KLK15: variants seen among roughly 807,000 people sequenced by gnomAD.
KLK15 encodes kallikrein-15.
A neutral mutation model predicts 21.1 loss-of-function variants in KLK15; 19 were observed. That is an observed-to-expected ratio of 0.90 (90% CI 0.63 to 1.32). The LOEUF (loss-of-function observed/expected upper bound fraction) is 1.32, where lower values mean the gene tolerates loss of function less well. KLK15 is among the 40% of genes most tolerant of loss of function. KLK15 has a pLI of 0.00. For missense variants in KLK15, 345 were observed against 348.6 expected, an observed-to-expected ratio of 0.99 and a Z score of 0.08; for synonymous variants, 141 against 141.5, an observed-to-expected ratio of 1.00 and a Z score of 0.03.
intron 4 of KLK15, 196 bp downstream of exon 5, chr19:50,826,425 C>T (rs767834620): frequency 1.1e-5 from 6 of 566,604 alleles, no homozygotes; most frequent in Non-Finnish European, 1.8e-5. Context: ...TCACATTATC[C>T]ACCTCAAACA....
chr19:50,826,552 A>T, intron 4 of KLK15, 69 bp downstream of exon 5: 1 of 1,495,948 alleles, frequency 6.7e-7, no homozygotes. Flanking sequence ...AGAAAATCCA[A>T]CCCCATCCGG....
chr19:50,825,642 G>A, downstream of KLK15: 1 of 663,352 alleles, frequency 1.5e-6, no homozygotes. Context: ...TTGAGCGCCA[G>A]CTTTGTCCTC....
chr19:50,831,815 C>CAT (rs563498645), upstream of KLK15, among the ~76,000 whole-genome samples: 27 of 143,152 alleles, frequency 1.9e-4, no homozygotes, highest in Non-Finnish European at 3.8e-4. Context: ...CCTGTCCCAA[C>CAT]TTTTTTTTTT....
exon 3 of KLK15, chr19:50,826,880 T>G (rs372405609): frequency 3.2e-6 from 5 of 1,559,848 alleles, no homozygotes; most frequent in Middle Eastern, 1.7e-4. Flanking sequence ...TCACGCACCT[T>G]GTGACCGGGG....
chr19:50,831,531 G>C (rs1599959144), upstream of KLK15: 4 of 1,443,062 alleles, frequency 2.8e-6, no homozygotes. Context: ...AGTCTGGGGA[G>C]GGAGTGAGAG....
intron 1 of KLK15, among the ~76,000 whole-genome samples, chr19:50,828,570 C>T (rs1216490766): frequency 1.3e-5 from 2 of 151,656 alleles, no homozygotes; most frequent in Non-Finnish European, 1.5e-5. Flanking sequence ...TATACAAGGT[C>T]ATGGACATGC....
exon 5 of KLK15, chr19:50,825,937 C>T (rs1255180325): frequency 6.2e-7 from 1 of 1,612,286 alleles, no homozygotes; most frequent in African/African-American, 1.3e-5. Flanking sequence ...CCAGGGGTCC[C>T]CCAGAGTCAC....
chr19:50,832,546 C>CGA (rs10527774), upstream of KLK15, among the ~76,000 whole-genome samples: 2,442 of 44,208 alleles, frequency 0.055, 22 homozygotes, highest in Non-Finnish European at 0.086. Context: ...TGGTCTTGAA[C>CGA]TCCTGACCTC....
exon 2 of KLK15, chr19:50,827,815 G>C: frequency 6.2e-7 from 1 of 1,611,106 alleles, no homozygotes; most frequent in Non-Finnish European, 8.5e-7. Context: ...ATCCTGGGCT[G>C]CTAAGAGAAG....
exon 4 of KLK15, chr19:50,826,677 G>A: frequency 6.2e-7 from 1 of 1,613,854 alleles, no homozygotes; most frequent in Non-Finnish European, 8.5e-7. Context: ...GTGTTTGTCA[G>A]GCGCCCTGGG....
exon 3 of KLK15, chr19:50,826,958 G>C (rs3212805): frequency 1.9e-6 from 3 of 1,605,358 alleles, no homozygotes; most frequent in Non-Finnish European, 2.5e-6. Context: ...GGCCTCCCCC[G>C]GGTGGGGGCA....
At chr19:50,832,822 C>A (rs1204642418), upstream of KLK15, among the ~76,000 whole-genome samples, 1 of 152,180 alleles carries the variant, frequency 6.6e-6, no homozygotes. Context: ...CTCCCCTGAC[C>A]CTCAGTGGTG....
upstream of KLK15, chr19:50,833,264 C>T (rs930275398): frequency 1.4e-4 from 22 of 153,422 alleles, no homozygotes; most frequent in African/African-American, 4.8e-4. Flanking sequence ...CTCCTGACCA[C>T]GTTCTTGGCT....
chr19:50,827,782 T>C (rs2089910677), exon 2 of KLK15: 1 of 1,611,160 alleles, frequency 6.2e-7, no homozygotes, highest in Non-Finnish European at 8.5e-7. Context: ...TGCACACTCG[T>C]CACCTTCCAG....
chr19:50,825,548 C>G (rs1417877575), downstream of KLK15: 2 of 380,126 alleles, frequency 5.3e-6, no homozygotes, highest in Non-Finnish European at 9.5e-6. Context: ...CGGGGTTTCT[C>G]TTTGACCCCA....
intron 1 of KLK15, among the ~76,000 whole-genome samples, chr19:50,829,163 G>GCT (rs1438727693): frequency 1.3e-5 from 2 of 151,342 alleles, no homozygotes; most frequent in Admixed American, 1.3e-4. Context: ...ACAGACACTT[G>GCT]CATACAGGGT....
At position 50,827,833 on chromosome 19, in the gene KLK15, G is replaced by C. The variant is rs779234428; in HGVS notation, c.44-18C>G. 4 of 1,609,492 alleles carry C rather than the reference G, an allele frequency of 2.5e-6. No homozygotes were observed. Among genetic ancestry groups the C allele is most frequent in the Non-Finnish European group, 3.4e-6 (4 of 1,176,130 alleles). On this transcript the variant is annotated intron_variant, in intron 1 of 4. Coordinates refer to ENST00000598239, the Ensembl canonical transcript of KLK15. Reference sequence around the variant, plus strand: ...CTGGGCTGCTAAGAGAAGGGGTAGAGGATGCCTGAGGACAGGGACGTTTAC... The same window carrying C: ...CTGGGCTGCTAAGAGAAGGGGTAGACGATGCCTGAGGACAGGGACGTTTAC...
At position 50,827,410 on chromosome 19, in the gene KLK15, G is replaced by A. The variant is rs561469512; in HGVS notation, c.198-249C>T. Among the ~76,000 whole-genome samples the A allele has an allele frequency of 5.9e-5, 9 of 151,692 alleles. 1 individual carries two copies. In the South Asian group the frequency reaches 1.9e-3, roughly 32 times the overall value. On this transcript the variant is annotated intron_variant, in intron 2 of 4. Coordinates refer to ENST00000598239, the Ensembl canonical transcript of KLK15. ...TCCAACTACTCCCAGCCCCCTCCTGGTCTGTCCCCGAATCCAGGATTCTCA... is the reference window on the plus strand; with the variant it reads ...TCCAACTACTCCCAGCCCCCTCCTGATCTGTCCCCGAATCCAGGATTCTCA...
In KLK15 at chr19:50,829,679, G is replaced by A. The variant is rs555720815; in HGVS notation, c.43+1771C>T. 2.0e-4 allele frequency among the ~76,000 whole-genome samples: 30 copies of A among 151,634 alleles called. 1 individual carries two copies. Among genetic ancestry groups the A allele is most frequent in the Non-Finnish European group, 4.4e-4 (30 of 67,802 alleles). Reference sequence around the variant, plus strand: ...AAATAAAAATACAAAAATCAGCTGGGCGTGGTGGTGCGTGCCTGTAATTCT... The same window carrying A: ...AAATAAAAATACAAAAATCAGCTGGACGTGGTGGTGCGTGCCTGTAATTCT... On this transcript the variant is annotated intron_variant, in intron 1 of 4. Transcript: ENST00000598239.
Sources: allele counts gnomAD v4.1 joint callset (sites outside exome capture counted in the v4.1 genomes callset), GRCh38; gene constraint gnomAD v4.1.1; transcripts MANE v1.5; gene names NCBI Gene and HGNC (gene_info 2026-07-23, HGNC 2026-07-21).